PLA2G4D: variants seen among roughly 807,000 people sequenced by gnomAD.
The protein encoded by PLA2G4D is cytosolic phospholipase A2 delta.
A neutral mutation model predicts 94.4 loss-of-function variants in PLA2G4D; 80 were observed. The ratio of observed to expected loss-of-function variants is 0.85; its 90% confidence interval spans 0.71 to 1.02. The LOEUF (loss-of-function observed/expected upper bound fraction) is 1.02. PLA2G4D is among the 50% of genes least tolerant of loss of function. The pLI is 0.00. For synonymous variants in PLA2G4D, 438 were observed against 440.9 expected (o/e 0.99, Z 0.08); for missense variants, 1,050 against 1,034.7 (o/e 1.01, Z -0.20).
chr15:42,071,053 C>G, intron 17 of PLA2G4D, 70 bp downstream of exon 17: 1 of 1,576,736 alleles, frequency 6.3e-7, no homozygotes, highest in Non-Finnish European at 8.6e-7. Context: ...TCCTAGGCCT[C>G]AGCCAGTCCC....
At chr15:42,072,195 G>T in intron 14 of PLA2G4D, 80 bp downstream of exon 14, 1 of 1,298,378 alleles carries the variant, frequency 7.7e-7, no homozygotes, top group Non-Finnish European at 1.1e-6. Flanking sequence ...GGAGCTTCCA[G>T]CATGAATTCT....
Position 42,086,194 on chromosome 15 carries a change from T to TTGGGGGGGGGCGCCC in PLA2G4D, c.387+18_387+19insGGGCGCCCCCCCCCA. The TTGGGGGGGGGCGCCC allele has an allele frequency of 7.3e-7, 1 of 1,370,444 alleles. No homozygotes were observed. The highest frequency in any genetic ancestry group is 9.6e-7 in the Non-Finnish European group (1 of 1,043,084). 84.9% of individuals were successfully genotyped at this position (1,370,444 alleles called of 1,614,324 possible). A position where few individuals can be genotyped will look rare whatever the true frequency, so the allele number is the denominator to read the frequency against. On this transcript the variant is annotated intron_variant, in intron 4 of 19. Transcript: ENST00000290472. ...GGAAGAAGTGGGGCCCACGGGGACT[T>TTGGGGGGGGGCGCCC]CCCCACCCACCCACCCACCTGGGGA...
intron 2 of PLA2G4D, 80 bp from the exon 3 acceptor site, chr15:42,087,516 C>A: frequency 1.2e-6 from 2 of 1,606,404 alleles, no homozygotes; most frequent in Non-Finnish European, 1.7e-6. Context: ...CCTACCAAGA[C>A]CCTGGCGGTC....
At chr15:42,093,534 G>A (rs1215437272) in intron 1 of PLA2G4D, among the ~76,000 whole-genome samples, 6 of 152,284 alleles carry the variant, frequency 3.9e-5, no homozygotes, top group East Asian at 3.9e-4. Context: ...CCAAATGTCC[G>A]CTGATGTCTG....
chr15:42,094,293 G>T (rs1311758878), intron 1 of PLA2G4D, 122 bp downstream of exon 1: 14 of 1,143,124 alleles, frequency 1.2e-5, no homozygotes, highest in Non-Finnish European at 1.6e-5. Context: ...CCAAATCTCA[G>T]ACTCCCTCGC....
At chr15:42,079,378 G>A (rs1246479806) in intron 13 of PLA2G4D, among the ~76,000 whole-genome samples, 159 bp downstream of exon 13, 1 of 152,222 alleles carries the variant, frequency 6.6e-6, no homozygotes, top group African/African-American at 2.4e-5. Context: ...TAAAGAATCT[G>A]CTAACTCAGA....
In PLA2G4D at chr15:42,084,996, C is replaced by T. The variant is rs1387483772; in HGVS notation, c.471+100G>A. ...GGGGTGGTTTTACCACGAAGCCCTGCCCCTTCCTTGTCCCTGCTGGTCCAC... is the reference window on the plus strand; with the variant it reads ...GGGGTGGTTTTACCACGAAGCCCTGTCCCTTCCTTGTCCCTGCTGGTCCAC... On this transcript the variant is annotated intron_variant, in intron 6 of 19. Coordinates refer to ENST00000290472, the MANE Select transcript of PLA2G4D (RefSeq NM_178034.4). The surrounding 1 kb of genome is among the most constrained non-coding windows in gnomAD (Gnocchi z 4.8). 1.5e-6 allele frequency: 2 copies of T among 1,376,020 alleles called. No homozygotes were observed. The highest frequency in any genetic ancestry group is 3.6e-5 in the Admixed American group (2 of 55,324). The allele number at this position is 1,376,020 out of a possible 1,614,324, so 85.2% of individuals were successfully genotyped here. A position where few individuals can be genotyped will look rare whatever the true frequency, so the allele number is the denominator to read the frequency against.
At position 42,086,288 on chromosome 15, in the gene PLA2G4D, G is replaced by A. The variant is rs761122146; in HGVS notation, c.312C>T (p.Cys104=). Residue 104 remains cysteine (C), a synonymous_variant, in exon 4 of 20, where the codon TGC becomes TGT. Coordinates refer to ENST00000290472, the MANE Select transcript of PLA2G4D (RefSeq NM_178034.4). ...CTGAGATGTCATAGAGAACCTTGAA[G>A]CAGATGTCATCCTCCGTGACTGAGT... ...DEDSVTEDDI[C]FKVLYDISEV... 1.2e-5 allele frequency: 19 copies of A among 1,586,792 alleles called. No individual in the cohort carries two copies. In the South Asian group the frequency reaches 1.8e-4, roughly 15 times the overall value.
chr15:42,075,073 AC>A lies in PLA2G4D; in HGVS notation c.1318-2682del, dbSNP rs1889892181. 5.3e-5 allele frequency among the ~76,000 whole-genome samples: 8 copies of A among 152,316 alleles called. No homozygotes were observed. The South Asian group carries it at 1.7e-3, about 32-fold the overall frequency. ...TCAGTAGCTGGGACTACAGGTGTGC[AC>A]CACCATGCCCAGCTAATTTTTTAAC... On this transcript the variant is annotated intron_variant, in intron 13 of 19. Coordinates refer to ENST00000290472, the MANE Select transcript of PLA2G4D (RefSeq NM_178034.4).
intron 5 of PLA2G4D, 84 bp from the exon 6 acceptor site, chr15:42,085,222 C>A (rs1481451960): frequency 2.0e-6 from 3 of 1,497,714 alleles, no homozygotes; most frequent in African/African-American, 1.4e-5. Flanking sequence ...CTGGGTGATG[C>A]TGAGGGCTCT....
chr15:42,081,883 G>A (rs773973208), intron 9 of PLA2G4D, 49 bp from the exon 10 acceptor site: 33 of 1,605,830 alleles, frequency 2.1e-5, no homozygotes, highest in Middle Eastern at 1.7e-4. Flanking sequence ...GACCCTAAGC[G>A]GCACATGGGT....
chr15:42,080,345 G>A (rs932101800), intron 12 of PLA2G4D, among the ~76,000 whole-genome samples: 4 of 152,126 alleles, frequency 2.6e-5, no homozygotes, highest in African/African-American at 9.7e-5. Flanking sequence ...ACTCCTCAAA[G>A]TCGCATTTCA....
chr15:42,067,631 C>T lies in PLA2G4D; in HGVS notation c.*1084G>A, dbSNP rs1237609660. On this transcript the variant is annotated 3_prime_UTR_variant, in exon 20 of 20. Coordinates refer to ENST00000290472, the MANE Select transcript of PLA2G4D (RefSeq NM_178034.4). ...TATACCATAATCAAATGGAAACTGC[C>T]CCAGGAATGCAAAGTTGGTTTAATA... is the stretch of plus-strand genomic sequence containing the variant. The T allele has an allele frequency of 6.6e-6, 1 of 151,672 alleles. No homozygotes were observed. The allele number at this position is 151,672 out of a possible 1,614,324, so 9.4% of individuals were successfully genotyped here.
At position 42,086,194 on chromosome 15, in the gene PLA2G4D, T is replaced by TGGGGGGGGCCCCCCC; in HGVS notation, c.387+18_387+19insGGGGGGGCCCCCCCC. ...GGAAGAAGTGGGGCCCACGGGGACT[T>TGGGGGGGGCCCCCCC]CCCCACCCACCCACCCACCTGGGGA... On this transcript the variant is annotated intron_variant, in intron 4 of 19. Coordinates refer to ENST00000290472, the MANE Select transcript of PLA2G4D (RefSeq NM_178034.4). 7.3e-7 allele frequency: 1 copy of TGGGGGGGGCCCCCCC among 1,370,444 alleles called. No homozygotes were observed. The highest frequency in any genetic ancestry group is 1.5e-5 in the South Asian group (1 of 66,866). The allele number at this position is 1,370,444 out of a possible 1,614,324, so 84.9% of individuals were successfully genotyped here. A position where few individuals can be genotyped will look rare whatever the true frequency, so the allele number is the denominator to read the frequency against.
chr15:42,085,064 G>T (rs1480491972), intron 6 of PLA2G4D, 32 bp downstream of exon 6: 1 of 1,613,446 alleles, frequency 6.2e-7, no homozygotes, highest in Non-Finnish European at 8.5e-7. Context: ...CTGCTCTGGG[G>T]CCCCTCCCCT....
intron 13 of PLA2G4D, among the ~76,000 whole-genome samples, chr15:42,074,806 G>A (rs1210082369): frequency 1.3e-5 from 2 of 152,102 alleles, no homozygotes; most frequent in Non-Finnish European, 2.9e-5. Context: ...ATTGCCCGAA[G>A]AAAACATTAT....
intron 1 of PLA2G4D, 116 bp from the exon 2 acceptor site, chr15:42,087,816 C>T (rs112034719): frequency 1.8e-6 from 2 of 1,094,880 alleles, no homozygotes; most frequent in South Asian, 3.0e-5. Context: ...GGTGCTGACA[C>T]CCCTGCCAGG....
intron 17 of PLA2G4D, 106 bp downstream of exon 17, chr15:42,071,017 C>A (rs1889800975): frequency 3.9e-6 from 6 of 1,535,498 alleles, no homozygotes; most frequent in Non-Finnish European, 5.3e-6. Flanking sequence ...CGTCTCCAGG[C>A]CACACCCCAG....
chr15:42,075,510 T>C (rs1359051740), intron 13 of PLA2G4D, among the ~76,000 whole-genome samples: 1 of 152,246 alleles, frequency 6.6e-6, no homozygotes, highest in Non-Finnish European at 1.5e-5. Flanking sequence ...AGTAATTAAG[T>C]TGGCTTCATA....
Sources: allele counts gnomAD v4.1 joint callset (sites outside exome capture counted in the v4.1 genomes callset), GRCh38; gene constraint gnomAD v4.1.1; non-coding constraint Gnocchi (gnomAD v3.1); transcripts MANE v1.5; gene names NCBI Gene and HGNC (gene_info 2026-07-23, HGNC 2026-07-21).